The following TSPAN11 variants were observed in gnomAD, a reference collection of about 807,000 sequenced individuals.
TSPAN11 encodes the protein tetraspanin 11, also known as tetraspanin-11.
TSPAN11 carries 29 observed loss-of-function variants against 32.9 expected under a neutral mutation model. The ratio of observed to expected loss-of-function variants is 0.88; its 90% CI spans 0.66 to 1.20. TSPAN11 has a LOEUF of 1.20. Among genes scored for constraint, TSPAN11 ranks in the 50% most tolerant of loss-of-function variants. TSPAN11 has a pLI of 0.00. For synonymous variants in TSPAN11, 140 were observed against 141.3 expected (o/e 0.99, Z 0.07); for missense variants, 283 against 329.1 (o/e 0.86, Z 1.08).
At chr12:30,981,815 C>A (rs1181635090) in intron 5 of TSPAN11, among the ~76,000 whole-genome samples, 4 of 152,242 alleles carry the variant, frequency 2.6e-5, no homozygotes, top group African/African-American at 9.6e-5. Flanking sequence ...ACCTCCACCC[C>A]ACCCACCTCC....
At chr12:30,973,996 C>A (rs1938907181) in intron 3 of TSPAN11, among the ~76,000 whole-genome samples, 1 of 152,166 alleles carries the variant, frequency 6.6e-6, no homozygotes, top group South Asian at 2.1e-4. Context: ...TCATGGAATT[C>A]CCTCATGGAA....
the TSPAN11 span, among the ~76,000 whole-genome samples, chr12:31,004,455 A>G: frequency 6.6e-6 from 1 of 152,182 alleles, no homozygotes; most frequent in Non-Finnish European, 1.5e-5. Flanking sequence ...GATAGAGATC[A>G]TAGGACCAAA....
intron 1 of TSPAN11, among the ~76,000 whole-genome samples, chr12:30,932,253 T>C (rs1937947890): frequency 2.0e-5 from 3 of 152,232 alleles, no homozygotes; most frequent in South Asian, 2.1e-4. Flanking sequence ...TTTAATGATA[T>C]TCTAAGTAAA....
chr12:30,938,745 G>A (rs1294800824), intron 1 of TSPAN11, among the ~76,000 whole-genome samples: 1 of 152,148 alleles, frequency 6.6e-6, no homozygotes, highest in Non-Finnish European at 1.5e-5. Context: ...CTTGCTCTGA[G>A]CAGCTTCTCG....
intron 1 of TSPAN11, among the ~76,000 whole-genome samples, chr12:30,948,344 A>G (rs932903137): frequency 6.6e-6 from 1 of 152,200 alleles, no homozygotes; most frequent in Non-Finnish European, 1.5e-5. Flanking sequence ...CTCTAACCCC[A>G]CATTTCCCTT....
downstream of TSPAN11, chr12:30,997,067 C>T (rs1031399044): frequency 6.6e-6 from 1 of 152,200 alleles, no homozygotes; most frequent in Non-Finnish European, 1.5e-5. Context: ...GACACACACT[C>T]CTACTGCAAG....
At chr12:30,977,286 C>T (rs1289490334) in intron 3 of TSPAN11, among the ~76,000 whole-genome samples, 1 of 151,440 alleles carries the variant, frequency 6.6e-6, no homozygotes, top group African/African-American at 2.4e-5. Context: ...CTGGGCACCG[C>T]CCCCGCTCCG....
rs2067237 is a variant in TSPAN11 at position 30,995,784 on chromosome 12, TACAA to T, written c.*3873_*3876del. 0.44 allele frequency: 67,152 copies of T among 151,880 alleles called. 16,326 individuals carry two copies. Among genetic ancestry groups the T allele is most frequent in the East Asian group, 0.95 (4,920 of 5,158 alleles). The allele number at this position is 151,880 out of a possible 1,614,324, so 9.4% of individuals were successfully genotyped here. A position where few individuals can be genotyped will look rare whatever the true frequency, so the allele number is the denominator to read the frequency against. On this transcript the variant is annotated 3_prime_UTR_variant, in exon 8 of 8. Transcript: ENST00000546076. ...TATCAGAATCACCTGGAAGGGCTTT[TACAA>T]ACAGATTGCTGGCCCCACCCCCCAG...
chr12:31,009,583 G>A, the TSPAN11 span, among the ~76,000 whole-genome samples: 1 of 152,128 alleles, frequency 6.6e-6, no homozygotes, highest in African/African-American at 2.4e-5. Context: ...GGCAACAGAA[G>A]TGCCACCCCA....
chr12:30,948,511 T>G (rs1413143011), intron 1 of TSPAN11, among the ~76,000 whole-genome samples: 1 of 152,208 alleles, frequency 6.6e-6, no homozygotes, highest in African/African-American at 2.4e-5. Flanking sequence ...CAACACCACG[T>G]GGAAGCTGCC....
intron 3 of TSPAN11, among the ~76,000 whole-genome samples, chr12:30,970,763 G>T (rs944491007): frequency 1.2e-4 from 19 of 152,180 alleles, no homozygotes; most frequent in African/African-American, 4.1e-4. Flanking sequence ...GGCCAGGAGG[G>T]GTAGAGGTTA....
At chr12:30,940,741 T>C (rs766657519) in intron 1 of TSPAN11, among the ~76,000 whole-genome samples, 2 of 152,130 alleles carry the variant, frequency 1.3e-5, no homozygotes, top group African/African-American at 4.8e-5. Context: ...TTAAAAGAGA[T>C]AATGCTTACA....
chr12:30,999,596 TTGTA>T (rs1226627830), downstream of TSPAN11, among the ~76,000 whole-genome samples: 4 of 151,274 alleles, frequency 2.6e-5, no homozygotes, highest in Admixed American at 1.3e-4. Flanking sequence ...GAAATGGTTT[TTGTA>T]TGGGTACTGA....
chr12:30,926,926 G>A (rs1205010123), intron 1 of TSPAN11, 130 bp downstream of exon 1: 1 of 1,282,500 alleles, frequency 7.8e-7, no homozygotes, highest in South Asian at 1.2e-5. Flanking sequence ...GCTTCCCCCG[G>A]GCGGGCAGAG....
intron 1 of TSPAN11, among the ~76,000 whole-genome samples, chr12:30,941,624 G>C (rs1938166165): frequency 6.6e-6 from 1 of 152,222 alleles, no homozygotes; most frequent in Non-Finnish European, 1.5e-5. Flanking sequence ...AATAGTGTTT[G>C]GGGGCCTATT....
At chr12:30,943,886 A>T (rs1454332075) in intron 1 of TSPAN11, among the ~76,000 whole-genome samples, 1 of 152,258 alleles carries the variant, frequency 6.6e-6, no homozygotes, top group Non-Finnish European at 1.5e-5. Flanking sequence ...TCCACCATGC[A>T]GGGGCTGTAA....
At chr12:30,987,739 G>A (rs2140311354) in intron 7 of TSPAN11, among the ~76,000 whole-genome samples, 1 of 152,326 alleles carries the variant, frequency 6.6e-6, no homozygotes, top group South Asian at 2.1e-4. Context: ...CAGAGGGAGT[G>A]GCAAGGGGAG....
the TSPAN11 span, among the ~76,000 whole-genome samples, chr12:31,009,324 G>A: frequency 2.0e-5 from 3 of 152,186 alleles, no homozygotes; most frequent in Non-Finnish European, 4.4e-5. Flanking sequence ...TGCAGTGGCT[G>A]CAACTGTCTG....
At chr12:30,942,307 A>G (rs6487952) in intron 1 of TSPAN11, among the ~76,000 whole-genome samples, 15,989 of 152,212 alleles carry the variant, frequency 0.11, 2,340 homozygotes, top group African/African-American at 0.33. Flanking sequence ...AGACAAAGCC[A>G]GCCCAGCATC....
Sources: allele counts gnomAD v4.1 joint callset (sites outside exome capture counted in the v4.1 genomes callset), GRCh38; gene constraint gnomAD v4.1.1; transcripts MANE v1.5; gene names NCBI Gene and HGNC (gene_info 2026-07-23, HGNC 2026-07-21).